Variants in LHFPL3 observed in about 807,000 individuals in gnomAD.
The protein encoded by LHFPL3 is LHFPL tetraspan subfamily member 3.
A neutral mutation model predicts 19.3 loss-of-function variants in LHFPL3; 5 were observed. The observed-to-expected ratio is 0.26, with a 90% CI of 0.14 to 0.54. The LOEUF (loss-of-function observed/expected upper bound fraction) is 0.54. Ranked by LOEUF, LHFPL3 falls within the 20% of genes least tolerant of loss-of-function variation. LHFPL3 has a pLI of 0.94. For missense variants in LHFPL3, 249 were observed against 307.4 expected, an observed-to-expected ratio of 0.81 and a Z score of 1.42; for synonymous variants, 133 against 126.2, an observed-to-expected ratio of 1.05 and a Z score of -0.36.
At chr7:104,378,231 AT>A (rs1790756289) in intron 1 of LHFPL3, among the ~76,000 whole-genome samples, 1 of 152,174 alleles carries the variant, frequency 6.6e-6, no homozygotes, top group Admixed American at 6.5e-5. Flanking sequence ...TTTTGCAGTT[AT>A]CCCCTCATGC....
At chr7:104,662,913 T>C (rs558978380) in intron 1 of LHFPL3, among the ~76,000 whole-genome samples, 85 of 152,350 alleles carry the variant, frequency 5.6e-4, no homozygotes, top group African/African-American at 2.0e-3. Context: ...TTTAAACTGA[T>C]ACTCAGTTAT....
At chr7:104,715,827 T>G (rs1287043965) in intron 1 of LHFPL3, among the ~76,000 whole-genome samples, 4 of 152,204 alleles carry the variant, frequency 2.6e-5, no homozygotes, top group Non-Finnish European at 5.9e-5. Flanking sequence ...CATCCGTACT[T>G]ATCAGGGATG....
chr7:104,606,705 C>T (rs1174342569), intron 1 of LHFPL3, among the ~76,000 whole-genome samples: 1 of 152,156 alleles, frequency 6.6e-6, no homozygotes, highest in Non-Finnish European at 1.5e-5. Context: ...AATGTGAGAT[C>T]GGTCCATGTT....
At chr7:104,683,586 A>G (rs1792751323) in intron 1 of LHFPL3, among the ~76,000 whole-genome samples, 1 of 117,914 alleles carries the variant, frequency 8.5e-6, no homozygotes, top group Non-Finnish European at 1.9e-5. Flanking sequence ...AGGATATTTA[A>G]TACTCTTCTC....
chr7:104,645,472 T>A lies in LHFPL3; in HGVS notation c.446-91203T>A, dbSNP rs192424356. Among the ~76,000 whole-genome samples, 11 of 152,230 alleles carry A rather than the reference T, an allele frequency of 7.2e-5. No individual in the cohort carries two copies. In the East Asian group the frequency reaches 1.9e-3, roughly 27 times the overall value. On this transcript the variant is annotated intron_variant, in intron 1 of 2. Transcript: ENST00000424859. ...TGAAAATAATTTTTTAAAAAATTCC[T>A]CGATGAGTACTATGTTCCCTAAGAT...
intron 2 of LHFPL3, among the ~76,000 whole-genome samples, chr7:104,845,953 C>T (rs946006206): frequency 2.6e-5 from 4 of 152,160 alleles, no homozygotes; most frequent in Non-Finnish European, 5.9e-5. Flanking sequence ...AAATGAGCCA[C>T]GGAGAAAAGA....
At chr7:104,380,227 A>T (rs1790801759) in intron 1 of LHFPL3, among the ~76,000 whole-genome samples, 1 of 152,222 alleles carries the variant, frequency 6.6e-6, no homozygotes, top group Admixed American at 6.5e-5. Context: ...ATTCATTGAG[A>T]TAATCCATAT....
intron 1 of LHFPL3, among the ~76,000 whole-genome samples, chr7:104,449,299 C>T (rs2116597442): frequency 6.6e-6 from 1 of 152,260 alleles, no homozygotes; most frequent in Middle Eastern, 3.4e-3. Flanking sequence ...AAATAGCTGC[C>T]TTGGCACACT....
At chr7:104,819,304 C>G (rs1278838453) in intron 2 of LHFPL3, among the ~76,000 whole-genome samples, 1 of 151,316 alleles carries the variant, frequency 6.6e-6, no homozygotes, top group South Asian at 2.1e-4. Context: ...TTCACCAGTT[C>G]AGTTCTATGC....
chr7:104,638,014 A>G (rs532006192), intron 1 of LHFPL3, among the ~76,000 whole-genome samples: 1 of 152,116 alleles, frequency 6.6e-6, no homozygotes, highest in South Asian at 2.1e-4. Flanking sequence ...GATTCTTCCT[A>G]TTCATGAGCA....
intron 1 of LHFPL3, among the ~76,000 whole-genome samples, chr7:104,604,565 A>T (rs1791054247): frequency 6.6e-6 from 1 of 152,134 alleles, no homozygotes. Flanking sequence ...CAGGCTGCAA[A>T]TTTTTCAAAT....
chr7:104,440,519 A>G (rs572443889), intron 1 of LHFPL3, among the ~76,000 whole-genome samples: 1 of 151,758 alleles, frequency 6.6e-6, no homozygotes, highest in South Asian at 2.1e-4. Flanking sequence ...CATATGTAAC[A>G]AACCTGCACA....
intron 1 of LHFPL3, among the ~76,000 whole-genome samples, chr7:104,535,160 T>C (rs900707914): frequency 1.3e-5 from 2 of 152,204 alleles, no homozygotes; most frequent in Non-Finnish European, 2.9e-5. Flanking sequence ...GAACTACAAA[T>C]AAGCTAATTC....
At chr7:104,465,571 G>T (rs145465193) in intron 1 of LHFPL3, among the ~76,000 whole-genome samples, 6 of 152,208 alleles carry the variant, frequency 3.9e-5, no homozygotes, top group African/African-American at 1.2e-4. Context: ...AGAAAGGGAA[G>T]CAAGCACTTC....
chr7:104,428,894 G>A (rs78337487), intron 1 of LHFPL3, among the ~76,000 whole-genome samples: 2,788 of 152,022 alleles, frequency 0.018, 77 homozygotes, highest in African/African-American at 0.064. Flanking sequence ...CTACCCTTAC[G>A]TACACATACT....
intron 1 of LHFPL3, among the ~76,000 whole-genome samples, chr7:104,663,048 G>A (rs1215960064): frequency 1.3e-5 from 2 of 152,118 alleles, no homozygotes; most frequent in African/African-American, 4.8e-5. Flanking sequence ...AAAAAATAGT[G>A]TTTATTTGTA....
At chr7:104,683,971 A>G (rs958592367) in intron 1 of LHFPL3, among the ~76,000 whole-genome samples, 1 of 152,200 alleles carries the variant, frequency 6.6e-6, no homozygotes, top group Non-Finnish European at 1.5e-5. Context: ...ATCTGTATTT[A>G]GGGGTAAAAT....
chr7:104,435,039 G>A (rs980501191), intron 1 of LHFPL3, among the ~76,000 whole-genome samples: 5 of 151,804 alleles, frequency 3.3e-5, no homozygotes, highest in African/African-American at 9.7e-5. Context: ...GTTGTGACCC[G>A]CCCCCCTTAT....
intron 1 of LHFPL3, among the ~76,000 whole-genome samples, chr7:104,363,423 G>A (rs1383096240): frequency 6.6e-6 from 1 of 152,246 alleles, no homozygotes; most frequent in African/African-American, 2.4e-5. Flanking sequence ...TGCTGCTGCA[G>A]TAACGGAGAA....
Sources: allele counts gnomAD v4.1 joint callset (sites outside exome capture counted in the v4.1 genomes callset), GRCh38; gene constraint gnomAD v4.1.1; transcripts MANE v1.5; gene names NCBI Gene and HGNC (gene_info 2026-07-23, HGNC 2026-07-21).